The following ZDHHC17 variants were observed in gnomAD, a reference collection of about 807,000 sequenced individuals.
ZDHHC17 encodes palmitoyltransferase ZDHHC17.
In ZDHHC17, 40 loss-of-function variants were observed where a neutral mutation model predicts 90.3. The ratio of observed to expected loss-of-function variants is 0.44; its 90% CI spans 0.34 to 0.58. ZDHHC17 has a LOEUF of 0.58. Ranked by LOEUF, ZDHHC17 falls within the 20% of genes least tolerant of loss-of-function variation. The pLI, the probability that ZDHHC17 is intolerant of heterozygous loss-of-function variation, is 0.01. For synonymous variants in ZDHHC17, 235 were observed against 252.4 expected, an observed-to-expected ratio of 0.93 and a Z score of 0.65; for missense variants, 614 against 780.8, an observed-to-expected ratio of 0.79 and a Z score of 2.55.
chr12:76,816,394 A>G (rs1296688911), intron 7 of ZDHHC17, among the ~76,000 whole-genome samples: 1 of 152,026 alleles, frequency 6.6e-6, no homozygotes, highest in Non-Finnish European at 1.5e-5. Context: ...ATAAGATTCT[A>G]TTGCTAGTCT....
At chr12:76,830,216 A>T (rs1450056676) in intron 10 of ZDHHC17, among the ~76,000 whole-genome samples, 1 of 152,184 alleles carries the variant, frequency 6.6e-6, no homozygotes, top group Non-Finnish European at 1.5e-5. Flanking sequence ...GCTTTTGGTG[A>T]CTTGTAACTG....
At chr12:76,804,699 A>G (rs2137755743) in intron 2 of ZDHHC17, among the ~76,000 whole-genome samples, 1 of 152,202 alleles carries the variant, frequency 6.6e-6, no homozygotes, top group East Asian at 1.9e-4. Flanking sequence ...GGAAGATTGC[A>G]ACCCCATAGT....
chr12:76,796,842 A>G (rs1372027091), intron 1 of ZDHHC17, among the ~76,000 whole-genome samples: 1 of 152,194 alleles, frequency 6.6e-6, no homozygotes, highest in Non-Finnish European at 1.5e-5. Context: ...ATGATGAGGT[A>G]AGAGAGTTCT....
chr12:76,788,879 A>C (rs1369958536), intron 1 of ZDHHC17, among the ~76,000 whole-genome samples: 2 of 151,734 alleles, frequency 1.3e-5, no homozygotes, highest in Non-Finnish European at 2.9e-5. Flanking sequence ...TATTTTTAGT[A>C]GAGACGGGGT....
At chr12:76,837,686 T>C (rs1309504145) in intron 10 of ZDHHC17, among the ~76,000 whole-genome samples, 1 of 152,188 alleles carries the variant, frequency 6.6e-6, no homozygotes, top group African/African-American at 2.4e-5. Context: ...AAGGTTTTCT[T>C]TTATCTGAAA....
At chr12:76,846,007 C>T (rs556787063) in intron 13 of ZDHHC17, among the ~76,000 whole-genome samples, 1 of 152,110 alleles carries the variant, frequency 6.6e-6, no homozygotes, top group Non-Finnish European at 1.5e-5. Context: ...TTTTCTCTGT[C>T]AGTTCTATCT....
intron 1 of ZDHHC17, among the ~76,000 whole-genome samples, chr12:76,765,986 GC>G (rs1463832220): frequency 6.6e-6 from 1 of 152,196 alleles, no homozygotes; most frequent in Non-Finnish European, 1.5e-5. Context: ...ACAGGCATGA[GC>G]CACCATGCCA....
chr12:76,787,089 G>A (rs192954125), intron 1 of ZDHHC17, among the ~76,000 whole-genome samples: 1 of 152,134 alleles, frequency 6.6e-6, no homozygotes, highest in African/African-American at 2.4e-5. Flanking sequence ...ATACTTGAAG[G>A]TACTTCTTCC....
At chr12:76,812,886 T>C (rs1220890928) in intron 5 of ZDHHC17, among the ~76,000 whole-genome samples, 2 of 152,134 alleles carry the variant, frequency 1.3e-5, no homozygotes, top group East Asian at 1.9e-4. Context: ...TGCTAAGTTA[T>C]GGAGCCCTGT....
At chr12:76,787,518 G>A (rs1162571442) in intron 1 of ZDHHC17, among the ~76,000 whole-genome samples, 1 of 152,016 alleles carries the variant, frequency 6.6e-6, no homozygotes, top group Non-Finnish European at 1.5e-5. Flanking sequence ...AAAAATAATA[G>A]GAAATAAGGA....
At position 76,764,260 on chromosome 12, in the gene ZDHHC17, C is replaced by A; in HGVS notation, c.24C>A (p.Asn8Lys). Reference protein sequence around the residue: MQREEGFNTKMADGPDEY... With the variant: MQREEGFKTKMADGPDEY... ...GCATGCAGCGGGAGGAGGGATTTAA[C>A]ACCAAGATGGCGGACGGCCCGGATG... Residue 8 changes from asparagine (N) to lysine (K), a missense_variant, in exon 1 of 17, where the codon AAC becomes AAA. This residue lies in a region of ZDHHC17 where 358 missense variants were observed against 380.4 expected (regional missense o/e 0.94). Transcript: ENST00000426126. The A allele has an allele frequency of 6.2e-7, 1 of 1,603,908 alleles. No individual in the cohort carries two copies. Among genetic ancestry groups the A allele is most frequent in the Non-Finnish European group, 8.5e-7 (1 of 1,175,192 alleles).
At chr12:76,801,349 T>C (rs1009545977) in intron 2 of ZDHHC17, among the ~76,000 whole-genome samples, 1 of 151,878 alleles carries the variant, frequency 6.6e-6, no homozygotes, top group Non-Finnish European at 1.5e-5. Context: ...ACTATGGATA[T>C]TACATTTAAC....
intron 1 of ZDHHC17, among the ~76,000 whole-genome samples, chr12:76,783,732 AAG>A (rs1300008499): frequency 6.6e-6 from 1 of 152,262 alleles, no homozygotes; most frequent in African/African-American, 2.4e-5. Context: ...TATCAGGAAA[AAG>A]AGTTTTTACA....
intron 1 of ZDHHC17, among the ~76,000 whole-genome samples, chr12:76,767,691 G>A (rs1284804232): frequency 2.6e-5 from 4 of 152,246 alleles, no homozygotes; most frequent in South Asian, 4.1e-4. Context: ...AGGCCGAGGC[G>A]GGCGGATCAC....
intron 2 of ZDHHC17, among the ~76,000 whole-genome samples, chr12:76,802,259 G>T (rs922478212): frequency 6.6e-6 from 1 of 152,136 alleles, no homozygotes; most frequent in Non-Finnish European, 1.5e-5. Context: ...TAGCGCTTTG[G>T]ATATGTCAGC....
intron 3 of ZDHHC17, among the ~76,000 whole-genome samples, chr12:76,807,189 G>C (rs1171572671): frequency 1.3e-5 from 2 of 152,162 alleles, no homozygotes; most frequent in South Asian, 2.1e-4. Context: ...TTAACATTAT[G>C]GTGTACAAAG....
At chr12:76,835,268 C>CT (rs780399111) in intron 10 of ZDHHC17, among the ~76,000 whole-genome samples, 1 of 47,706 alleles carries the variant, frequency 2.1e-5, no homozygotes, top group Non-Finnish European at 4.0e-5. Context: ...CCAAGCTGGT[C>CT]TTTAACTCCT....
chr12:76,848,217 T>C lies in ZDHHC17; in HGVS notation c.1508-16T>C, dbSNP rs1296091611. 1.2e-6 allele frequency: 2 copies of C among 1,613,502 alleles called. No individual in the cohort carries two copies. The highest frequency in any genetic ancestry group is 2.2e-5 in the East Asian group (1 of 44,852). On this transcript the variant is annotated splice_polypyrimidine_tract_variant and intron_variant, in intron 14 of 16. Transcript: ENST00000426126. ...TGATTATTGAGTAAATACGAGTACTTCTGTTCTGGCTTTAGACTGGGGACT... is the reference window on the plus strand; with the variant it reads ...TGATTATTGAGTAAATACGAGTACTCCTGTTCTGGCTTTAGACTGGGGACT...
intron 1 of ZDHHC17, among the ~76,000 whole-genome samples, chr12:76,787,924 G>A (rs1952710216): frequency 6.6e-6 from 1 of 152,112 alleles, no homozygotes; most frequent in African/African-American, 2.4e-5. Flanking sequence ...AAATTTCAGT[G>A]GCTTAGCTGA....
Sources: gnomAD v4.1 joint callset for allele counts (sites outside exome capture counted in the v4.1 genomes callset) on GRCh38, gnomAD v4.1.1 for gene constraint, gnomAD v4.1.1 regional missense constraint, MANE v1.5 for transcripts, NCBI Gene and HGNC (gene_info 2026-07-23, HGNC 2026-07-21) for gene names.